FANCM: variants seen among roughly 807,000 people sequenced by gnomAD.
FANCM encodes the protein FA complementation group M.
Under a neutral mutation model 199.5 loss-of-function variants are expected in FANCM, and 140 were observed. The observed-to-expected ratio is 0.70, with a 90% CI of 0.61 to 0.81. The LOEUF (loss-of-function observed/expected upper bound fraction) is 0.81, where lower values mean the gene tolerates loss of function less well. Ranked by LOEUF, FANCM falls within the 30% of genes least tolerant of loss-of-function variation. The probability of loss-of-function intolerance (pLI) is 0.00; values close to 1 mark genes in which losing one functional copy is unlikely to be tolerated. For missense variants in FANCM, 2,410 were observed against 2,421.4 expected (o/e 1.00, Z 0.10); for synonymous variants, 840 against 836.8 (o/e 1.00, Z -0.07).
chr14:45,176,994 TAA>T lies in FANCM; in HGVS notation c.4222+20_4222+21del. The T allele has an allele frequency of 2.1e-6, 3 of 1,433,156 alleles. No homozygotes were observed. The highest frequency in any genetic ancestry group is 2.9e-6 in the Non-Finnish European group (3 of 1,017,088). 88.8% of individuals were successfully genotyped at this position (1,433,156 alleles called of 1,614,324 possible). On this transcript the variant is annotated intron_variant, in intron 14 of 22. Coordinates refer to ENST00000267430, the MANE Select transcript of FANCM (RefSeq NM_020937.4). ...TGTTGAAGGTAAGATTCCATCTTTA[TAA>T]AGTCTATAACTCTTTCTAGAATAAT...
At chr14:45,198,492 G>C (rs1165253192) in intron 21 of FANCM, 152 bp from the exon 22 acceptor site, 3 of 510,666 alleles carry the variant, frequency 5.9e-6, no homozygotes, top group Non-Finnish European at 1.0e-5. Context: ...AGATATTTGA[G>C]AAACATTAGT....
intron 21 of FANCM, among the ~76,000 whole-genome samples, chr14:45,197,302 G>C (rs1203855840): frequency 2.0e-5 from 3 of 152,140 alleles, no homozygotes; most frequent in Non-Finnish European, 2.9e-5. Context: ...AAGCATGTAG[G>C]TGAAAGCCAC....
intron 20 of FANCM, among the ~76,000 whole-genome samples, chr14:45,190,236 G>A (rs767672092): frequency 2.0e-5 from 3 of 151,902 alleles, no homozygotes; most frequent in Non-Finnish European, 4.4e-5. Context: ...TGCTAAATAG[G>A]GGTTAAAGAA....
At chr14:45,153,888 C>G (rs1886994631) in intron 5 of FANCM, 32 bp from the exon 6 acceptor site, 2 of 1,589,384 alleles carry the variant, frequency 1.3e-6, no homozygotes, top group Non-Finnish European at 1.7e-6. Flanking sequence ...ATTTATTTCT[C>G]TGGTTAAATT....
At chr14:45,199,738 CAT>C in intron 22 of FANCM, 130 bp from the exon 23 acceptor site, 1 of 753,206 alleles carries the variant, frequency 1.3e-6, no homozygotes, top group Non-Finnish European at 2.3e-6. Context: ...ATGTTCAAGA[CAT>C]ATCAGCTGGG....
At chr14:45,194,647 C>T (rs1169203335) in intron 20 of FANCM, among the ~76,000 whole-genome samples, 2 of 151,996 alleles carry the variant, frequency 1.3e-5, no homozygotes, top group South Asian at 2.1e-4. Context: ...CATATTGATG[C>T]GTATGTAGGT....
chr14:45,164,260 C>T, intron 9 of FANCM, 99 bp from the exon 10 acceptor site: 1 of 999,044 alleles, frequency 1.0e-6, no homozygotes, highest in Non-Finnish European at 1.5e-6. Context: ...GATTTTTAAT[C>T]TGATTTTACT....
rs1286385009 is a variant in FANCM at position 45,196,312 on chromosome 14, C to G, written c.5481C>G (p.Ile1827Met). 2 of 1,613,958 alleles carry G rather than the reference C, an allele frequency of 1.2e-6. No homozygotes were observed. Among genetic ancestry groups the G allele is most frequent in the Non-Finnish European group, 1.7e-6 (2 of 1,179,872 alleles). The change falls in exon 21 of 23, where the codon ATC becomes ATG. Residue 1827 changes from isoleucine (I) to methionine (M), a missense_variant. Transcript: ENST00000267430. Reference protein sequence around the residue: ...GTCILVGGHEITSGLEVISSL... With the variant: ...GTCILVGGHEMTSGLEVISSL... ...GTATTCTTGTAGGTGGTCATGAAATCACTTCTGGATTAGAAGTAATTTCTT... is the reference window on the plus strand; with the variant it reads ...GTATTCTTGTAGGTGGTCATGAAATGACTTCTGGATTAGAAGTAATTTCTT...
In FANCM at chr14:45,196,109, G is replaced by A. The variant is rs78876918; in HGVS notation, c.5341-63G>A. On this transcript the variant is annotated intron_variant, in intron 20 of 22. Transcript: ENST00000267430. ...ATTAAGGATAATCAACTTCGGGTGT[G>A]AGACGTTTATGGCATTTTTATGCAT... The A allele has an allele frequency of 3.3e-3, 5,116 of 1,557,672 alleles. 163 individuals are homozygous for A. The African/African-American group carries it at 0.061, about 19-fold the overall frequency.
intron 16 of FANCM, among the ~76,000 whole-genome samples, chr14:45,182,729 T>C (rs936597519): frequency 2.0e-5 from 3 of 152,226 alleles, no homozygotes; most frequent in Non-Finnish European, 4.4e-5. Context: ...TTACAGGTGC[T>C]TCTCAACTTA....
In FANCM at chr14:45,200,527, C is replaced by T. The variant is rs2139333810; in HGVS notation, c.*519C>T. 1 of 153,018 alleles carries T rather than the reference C, an allele frequency of 6.5e-6. No individual in the cohort carries two copies. The highest frequency in any genetic ancestry group is 2.4e-5 in the African/African-American group (1 of 41,530). The allele number at this position is 153,018 out of a possible 1,614,324, so 9.5% of individuals were successfully genotyped here. On this transcript the variant is annotated 3_prime_UTR_variant, in exon 23 of 23. Coordinates refer to ENST00000267430, the MANE Select transcript of FANCM (RefSeq NM_020937.4). ...AAACTTAACTGAATGTTTATCTGACCAAAGGTGTGTCCCAGTTAAGTACTG... is the reference window on the plus strand; with the variant it reads ...AAACTTAACTGAATGTTTATCTGACTAAAGGTGTGTCCCAGTTAAGTACTG...
At chr14:45,184,878 A>G (rs1318471284) in intron 17 of FANCM, among the ~76,000 whole-genome samples, 1 of 149,190 alleles carries the variant, frequency 6.7e-6, no homozygotes, top group African/African-American at 2.5e-5. Context: ...GGTTCAAGTG[A>G]TTCTCCTGCC....
Position 45,189,070 on chromosome 14 carries a change from A to C in FANCM, c.5048A>C (p.Lys1683Thr). The change falls in exon 20 of 23, where the codon AAA becomes ACA. Residue 1683 changes from lysine to threonine, a missense_variant. Transcript: ENST00000267430. ...GAGGAGGAGAACAATGTAAATGATA[A>C]AAGAGAATCTAATATTGCGGTTAAC... ...SSEEENNVND[K>T]RESNIAVNPS... 6.2e-7 allele frequency: 1 copy of C among 1,614,170 alleles called. No individual in the cohort carries two copies. The highest frequency in any genetic ancestry group is 8.5e-7 in the Non-Finnish European group (1 of 1,179,986).
At chr14:45,143,668 C>T (rs145043248) in intron 3 of FANCM, among the ~76,000 whole-genome samples, 18 of 150,324 alleles carry the variant, frequency 1.2e-4, no homozygotes, top group African/African-American at 3.4e-4. Flanking sequence ...TAGCTCTGAA[C>T]GGTCTTCCAT....
At chr14:45,157,172 G>C (rs1887259119) in intron 8 of FANCM, among the ~76,000 whole-genome samples, 1 of 152,032 alleles carries the variant, frequency 6.6e-6, no homozygotes, top group Non-Finnish European at 1.5e-5. Flanking sequence ...AAAAGAAAGA[G>C]CAAACATGTT....
chr14:45,188,282 T>C (rs1259631973), intron 19 of FANCM, among the ~76,000 whole-genome samples: 4 of 152,164 alleles, frequency 2.6e-5, no homozygotes, highest in Non-Finnish European at 5.9e-5. Flanking sequence ...GAGGTTGCAA[T>C]GAGCCAAGAT....
chr14:45,172,489 T>C (rs1169247114), intron 12 of FANCM, among the ~76,000 whole-genome samples: 3 of 152,178 alleles, frequency 2.0e-5, no homozygotes, highest in Non-Finnish European at 4.4e-5. Context: ...TATCCCAGTA[T>C]CATTTGGTTG....
chr14:45,197,176 G>A (rs1050630203), intron 21 of FANCM, among the ~76,000 whole-genome samples: 1 of 152,098 alleles, frequency 6.6e-6, no homozygotes, highest in Non-Finnish European at 1.5e-5. Flanking sequence ...TATGGAATCA[G>A]AAGACACACC....
intron 5 of FANCM, among the ~76,000 whole-genome samples, chr14:45,151,942 T>A (rs1442503956): frequency 6.7e-6 from 1 of 149,270 alleles, no homozygotes. Context: ...AAATCAGAAA[T>A]GTTTATATAG....
Sources: gnomAD v4.1 joint callset for allele counts (sites outside exome capture counted in the v4.1 genomes callset) on GRCh38, gnomAD v4.1.1 for gene constraint, MANE v1.5 for transcripts, NCBI Gene and HGNC (gene_info 2026-07-23, HGNC 2026-07-21) for gene names.